DCC: variants seen among roughly 807,000 people sequenced by gnomAD.
The protein encoded by DCC is netrin receptor DCC.
Under a neutral mutation model 172.5 loss-of-function variants are expected in DCC, and 58 were observed. The observed-to-expected ratio is 0.34, with a 90% CI of 0.27 to 0.42. The LOEUF (loss-of-function observed/expected upper bound fraction) is 0.42, where lower values mean the gene tolerates loss of function less well. DCC is among the 10% of genes least tolerant of loss of function. DCC has a pLI of 1.00. For missense variants in DCC, 1,740 were observed against 1,791.0 expected (o/e 0.97, Z 0.51); for synonymous variants, 709 against 644.5 (o/e 1.10, Z -1.52).
At chr18:53,092,194 T>A (rs539368659) in intron 7 of DCC, among the ~76,000 whole-genome samples, 18 of 152,310 alleles carry the variant, frequency 1.2e-4, no homozygotes, top group African/African-American at 3.6e-4. Context: ...TTAAATTTTT[T>A]AAATATTATC....
intron 2 of DCC, among the ~76,000 whole-genome samples, chr18:52,820,352 T>G (rs559729309): frequency 6.6e-6 from 1 of 152,278 alleles, no homozygotes; most frequent in East Asian, 1.9e-4. Context: ...ATGCATGCAT[T>G]TATAAAAGCA....
At chr18:53,114,119 G>C (rs1396523855) in intron 7 of DCC, among the ~76,000 whole-genome samples, 1 of 151,462 alleles carries the variant, frequency 6.6e-6, no homozygotes, top group East Asian at 2.0e-4. Flanking sequence ...CTTTGCAATC[G>C]TAACTTGTGC....
intron 1 of DCC, among the ~76,000 whole-genome samples, chr18:52,428,010 T>C (rs967487381): frequency 6.6e-6 from 1 of 152,026 alleles, no homozygotes; most frequent in African/African-American, 2.4e-5. Flanking sequence ...AGGACCAAAT[T>C]GTCTTGGCTT....
chr18:52,748,461 T>A (rs1284420916), intron 1 of DCC, among the ~76,000 whole-genome samples: 1 of 152,232 alleles, frequency 6.6e-6, no homozygotes, highest in Non-Finnish European at 1.5e-5. Flanking sequence ...TCCTGCCATA[T>A]GCAGCACAGT....
chr18:52,869,441 A>G (rs1160629439), intron 2 of DCC, among the ~76,000 whole-genome samples: 1 of 152,152 alleles, frequency 6.6e-6, no homozygotes, highest in Non-Finnish European at 1.5e-5. Flanking sequence ...GCATTGGTCC[A>G]TGGGTGGCCA....
chr18:52,474,520 G>T (rs1989040281), intron 1 of DCC, among the ~76,000 whole-genome samples: 2 of 152,104 alleles, frequency 1.3e-5, no homozygotes, highest in African/African-American at 2.4e-5. Flanking sequence ...AAAATGGCAG[G>T]CTACGTGGTC....
intron 14 of DCC, among the ~76,000 whole-genome samples, chr18:53,336,399 G>A (rs2057591636): frequency 6.6e-6 from 1 of 152,180 alleles, no homozygotes; most frequent in Admixed American, 6.6e-5. Context: ...TTCTGCCTTT[G>A]TATTAAGAAG....
Position 52,945,273 on chromosome 18 carries a change from AGAT to A in DCC, c.985+19907_985+19909del. Among the ~76,000 whole-genome samples, 2 of 152,358 alleles carry A rather than the reference AGAT, an allele frequency of 1.3e-5. 1 individual carries two copies. The highest frequency in any genetic ancestry group is 4.1e-4 in the South Asian group (2 of 4,830). On this transcript the variant is annotated intron_variant, in intron 5 of 28. Coordinates refer to ENST00000442544, the MANE Select transcript of DCC (RefSeq NM_005215.4). ...GATTTATATGAACAATGCTTAAGAT[AGAT>A]GATCTTTATAGAAAGGTAAATGTGT...
chr18:53,086,785 T>C (rs558085869), intron 7 of DCC, among the ~76,000 whole-genome samples: 1 of 100,118 alleles, frequency 1.0e-5, no homozygotes, highest in East Asian at 2.4e-4. Flanking sequence ...CAGAGTGTGG[T>C]ATTCCCCTTC....
chr18:53,171,312 G>A (rs899368780), intron 8 of DCC, among the ~76,000 whole-genome samples: 5 of 152,170 alleles, frequency 3.3e-5, no homozygotes, highest in Non-Finnish European at 7.3e-5. Context: ...GTGGAAACCA[G>A]TGATCAACCC....
chr18:53,208,989 A>G (rs1452964566), intron 11 of DCC, among the ~76,000 whole-genome samples: 1 of 152,116 alleles, frequency 6.6e-6, no homozygotes, highest in African/African-American at 2.4e-5. Flanking sequence ...CCTTGGCCTC[A>G]CATAGTGCTG....
At chr18:53,142,370 G>A (rs1014867236) in intron 7 of DCC, among the ~76,000 whole-genome samples, 2 of 152,172 alleles carry the variant, frequency 1.3e-5, no homozygotes, top group Non-Finnish European at 2.9e-5. Context: ...CTGGCTGATA[G>A]ATGTTAGCTA....
chr18:52,674,382 C>T (rs949271412), intron 1 of DCC, among the ~76,000 whole-genome samples: 8 of 152,172 alleles, frequency 5.3e-5, no homozygotes, highest in African/African-American at 1.9e-4. Flanking sequence ...ATTGAACCTT[C>T]TCCTTCCATT....
At chr18:53,302,924 C>G (rs2057157778) in intron 12 of DCC, among the ~76,000 whole-genome samples, 2 of 152,144 alleles carry the variant, frequency 1.3e-5, no homozygotes, top group Non-Finnish European at 2.9e-5. Context: ...TAGTATTTTA[C>G]AGCAATGTGC....
chr18:53,407,528 G>GATATAAATATATATATAT (rs1555666922), intron 19 of DCC, among the ~76,000 whole-genome samples: 1 of 117,438 alleles, frequency 8.5e-6, no homozygotes, highest in Non-Finnish European at 1.8e-5. Flanking sequence ...TTTTATTCTG[G>GATATAAATATATATATAT]ATATATATAT....
chr18:52,661,647 C>A (rs1003501066), intron 1 of DCC, among the ~76,000 whole-genome samples: 1 of 152,208 alleles, frequency 6.6e-6, no homozygotes, highest in Non-Finnish European at 1.5e-5. Flanking sequence ...AACCCAGCCC[C>A]ACTTGTGCAC....
chr18:53,189,071 G>A (rs778597234), intron 9 of DCC, among the ~76,000 whole-genome samples: 20 of 152,128 alleles, frequency 1.3e-4, no homozygotes. Flanking sequence ...GTGAATCTTA[G>A]TAAGAATTCT....
At chr18:52,903,847 C>T (rs927640471) in intron 2 of DCC, among the ~76,000 whole-genome samples, 3 of 152,174 alleles carry the variant, frequency 2.0e-5, no homozygotes, top group Non-Finnish European at 4.4e-5. Flanking sequence ...TGCCTTAAAT[C>T]CATACCTGAG....
intron 15 of DCC, among the ~76,000 whole-genome samples, chr18:53,366,062 G>GTTT (rs112101701): frequency 4.1e-5 from 6 of 147,110 alleles, no homozygotes; most frequent in African/African-American, 1.5e-4. Context: ...ATACTTAATT[G>GTTT]TTTTTTTTTT....
Sources: allele counts gnomAD v4.1 joint callset (sites outside exome capture counted in the v4.1 genomes callset), GRCh38; gene constraint gnomAD v4.1.1; transcripts MANE v1.5; gene names NCBI Gene and HGNC (gene_info 2026-07-23, HGNC 2026-07-21).